Variants in PCDHA11 observed in about 807,000 individuals in gnomAD.
PCDHA11 encodes protocadherin alpha-11.
PCDHA11 carries 61 observed loss-of-function variants against 70.3 expected under a neutral mutation model. The observed-to-expected ratio is 0.87, with a 90% CI of 0.71 to 1.07. The LOEUF (loss-of-function observed/expected upper bound fraction) is 1.07, where lower values mean the gene tolerates loss of function less well. Among genes scored for constraint, PCDHA11 ranks in the 50% least tolerant of loss-of-function variants. PCDHA11 has a pLI of 0.00. For synonymous variants in PCDHA11, 633 were observed against 555.1 expected (o/e 1.14, Z -1.97); for missense variants, 1,324 against 1,237.5 (o/e 1.07, Z -1.05).
chr5:140,967,984 C>G (rs2096207352), intron 1 of PCDHA11: 2 of 1,614,100 alleles, frequency 1.2e-6, no homozygotes, highest in African/African-American at 2.7e-5. Flanking sequence ...GTCTGGAGGC[C>G]ACACTGCCTT....
rs2084561103 is a variant in PCDHA11 at position 140,927,726 on chromosome 5, A to G, written c.2392-51223A>G. On this transcript the variant is annotated intron_variant, in intron 1 of 3. Transcript: ENST00000398640. ...ACTCCCTAAGCAACAGCACGCAAGCAGAGCTGCGACACCGCTTTCACGTGC... is the reference window on the plus strand; with the variant it reads ...ACTCCCTAAGCAACAGCACGCAAGCGGAGCTGCGACACCGCTTTCACGTGC... 6 of 1,614,220 alleles carry G rather than the reference A, an allele frequency of 3.7e-6. No individual in the cohort carries two copies. The African/African-American group carries it at 8.0e-5, about 22-fold the overall frequency.
chr5:140,991,033 TACTTA>T (rs567583919), intron 3 of PCDHA11, among the ~76,000 whole-genome samples: 53 of 152,330 alleles, frequency 3.5e-4, no homozygotes, highest in African/African-American at 1.3e-3. Context: ...ATATGTTGCA[TACTTA>T]ACTTTGAGAG....
chr5:140,980,428 G>A (rs868912779), intron 2 of PCDHA11, among the ~76,000 whole-genome samples: 5 of 152,028 alleles, frequency 3.3e-5, no homozygotes, highest in Admixed American at 2.6e-4. Flanking sequence ...TCAAGAGATC[G>A]AGACCATCCT....
intron 1 of PCDHA11, among the ~76,000 whole-genome samples, chr5:140,960,080 A>G: frequency 6.6e-6 from 1 of 152,360 alleles, no homozygotes; most frequent in South Asian, 2.1e-4. Context: ...GAAGTTTCTA[A>G]AAGAGAAAGA....
chr5:140,928,522 T>G lies in PCDHA11; in HGVS notation c.2392-50427T>G, dbSNP rs373009645. The G allele has an allele frequency of 4.3e-6, 7 of 1,614,150 alleles. No homozygotes were observed. Among genetic ancestry groups the G allele is most frequent in the African/African-American group, 1.3e-5 (1 of 75,032 alleles). On this transcript the variant is annotated intron_variant, in intron 1 of 3. Coordinates refer to ENST00000398640, the MANE Select transcript of PCDHA11 (RefSeq NM_018902.5). ...AAGTGCAACAGTGACTATAAACTTG[T>G]TTGTGGTAGATAGGAATGACAATTA...
rs540384431 is a variant in PCDHA11, at chr5:140,871,198, C to T, written c.2095C>T (p.Leu699=). ...TGCGCTGGTGGATGTCAACGTGTAC[C>T]TGATCATCGCCATCTGCGTGGTGTC... ...EAALVDVNVY[L]IIAICVVSSL... Residue 699 remains leucine, a synonymous_variant, in exon 1 of 4, where the codon CTG becomes TTG. Coordinates refer to ENST00000398640, the MANE Select transcript of PCDHA11 (RefSeq NM_018902.5). 3 of 1,613,730 alleles carry T rather than the reference C, an allele frequency of 1.9e-6. No homozygotes were observed. The highest frequency in any genetic ancestry group is 1.3e-5 in the African/African-American group (1 of 75,070).
chr5:140,899,052 C>CCAA (rs1554188364), intron 1 of PCDHA11, among the ~76,000 whole-genome samples: 7 of 151,400 alleles, frequency 4.6e-5, no homozygotes, highest in Non-Finnish European at 1.0e-4. Flanking sequence ...TATCCTGAGA[C>CCAA]TTTGCTGAAG....
chr5:140,888,047 G>C (rs1246901863), intron 1 of PCDHA11, among the ~76,000 whole-genome samples: 12 of 152,092 alleles, frequency 7.9e-5, no homozygotes, highest in African/African-American at 2.9e-4. Flanking sequence ...ATGTATAATA[G>C]ATGTTTTAAC....
chr5:140,996,799 T>C (rs1372599057), intron 3 of PCDHA11, among the ~76,000 whole-genome samples: 3 of 152,306 alleles, frequency 2.0e-5, no homozygotes, highest in African/African-American at 7.2e-5. Context: ...CTACATCCAA[T>C]CATGCTTTCC....
intron 1 of PCDHA11, chr5:140,877,867 T>C: frequency 2.7e-6 from 4 of 1,490,888 alleles, no homozygotes; most frequent in Non-Finnish European, 3.6e-6. Context: ...TTTAGATATA[T>C]TTGTTTCCTT....
intron 1 of PCDHA11, among the ~76,000 whole-genome samples, chr5:140,924,695 G>C (rs1190287077): frequency 2.6e-5 from 4 of 152,024 alleles, no homozygotes; most frequent in African/African-American, 9.7e-5. Context: ...AGGAGTTCGA[G>C]ACCAGCTTGT....
intron 1 of PCDHA11, chr5:140,881,999 A>C: frequency 2.1e-6 from 1 of 471,262 alleles, no homozygotes. Context: ...AGGAAATGCA[A>C]GGGGCAAAAA....
intron 1 of PCDHA11, chr5:140,884,480 A>G (rs782532542): frequency 6.2e-7 from 1 of 1,613,780 alleles, no homozygotes; most frequent in South Asian, 1.1e-5. Context: ...GGGCAAGCCC[A>G]CTCTAGTGTG....
chr5:140,949,277 G>T (rs934497662), intron 1 of PCDHA11, among the ~76,000 whole-genome samples: 2 of 151,734 alleles, frequency 1.3e-5, no homozygotes, highest in African/African-American at 2.4e-5. Context: ...CACTTGAAAA[G>T]AATGTATATT....
At chr5:140,928,326 C>T (rs1554205788) in intron 1 of PCDHA11, 1 of 1,614,162 alleles carries the variant, frequency 6.2e-7, no homozygotes, top group Non-Finnish European at 8.5e-7. Context: ...GGAAGAATGG[C>T]CTTGTCTCTT....
chr5:140,995,047 C>G (rs1174630120), intron 3 of PCDHA11, among the ~76,000 whole-genome samples: 2 of 152,158 alleles, frequency 1.3e-5, no homozygotes, highest in Admixed American at 1.3e-4. Context: ...CTTAACTCTA[C>G]TGAATTTTCA....
intron 3 of PCDHA11, among the ~76,000 whole-genome samples, chr5:141,003,397 C>T (rs370088269): frequency 2.0e-5 from 3 of 152,086 alleles, no homozygotes; most frequent in African/African-American, 4.8e-5. Flanking sequence ...CTGAAACCTC[C>T]GCCTCCCGGG....
At chr5:140,935,981 C>T (rs1206046231) in intron 1 of PCDHA11, among the ~76,000 whole-genome samples, 2 of 151,096 alleles carry the variant, frequency 1.3e-5, no homozygotes, top group Non-Finnish European at 2.9e-5. Context: ...CAATCTCTGC[C>T]TCCCGGGTTC....
chr5:140,997,864 C>A (rs2097788719), intron 3 of PCDHA11, among the ~76,000 whole-genome samples: 1 of 152,100 alleles, frequency 6.6e-6, no homozygotes, highest in South Asian at 2.1e-4. Context: ...ATTTCTTATG[C>A]ATGCTTGCTA....
Sources: gnomAD v4.1 joint callset for allele counts (sites outside exome capture counted in the v4.1 genomes callset) on GRCh38, gnomAD v4.1.1 for gene constraint, MANE v1.5 for transcripts, NCBI Gene and HGNC (gene_info 2026-07-23, HGNC 2026-07-21) for gene names.